SLC25A20: variants seen among roughly 807,000 people sequenced by gnomAD.
SLC25A20 encodes the protein mitochondrial carnitine/acylcarnitine carrier protein.
Under a neutral mutation model 39.7 loss-of-function variants are expected in SLC25A20, and 29 were observed. The observed-to-expected ratio is 0.73, with a 90% confidence interval of 0.54 to 1.00. SLC25A20 has a LOEUF of 1.00. Ranked by LOEUF, SLC25A20 falls within the 50% of genes least tolerant of loss-of-function variation. The pLI, the probability that SLC25A20 is intolerant of heterozygous loss-of-function variation, is 0.00. For missense variants in SLC25A20, 333 were observed against 379.9 expected, an observed-to-expected ratio of 0.88 and a Z score of 1.03; for synonymous variants, 103 against 142.2, an observed-to-expected ratio of 0.72 and a Z score of 1.96.
chr3:48,889,396 T>C (rs1482675620), intron 2 of SLC25A20, among the ~76,000 whole-genome samples: 2 of 151,472 alleles, frequency 1.3e-5, no homozygotes, highest in African/African-American at 2.4e-5. Flanking sequence ...TCTCAAAATA[T>C]ATATATATAA....
At chr3:48,881,490 T>A (rs1391278177) in intron 3 of SLC25A20, among the ~76,000 whole-genome samples, 2 of 152,000 alleles carry the variant, frequency 1.3e-5, no homozygotes, top group Admixed American at 1.3e-4. Context: ...CCCATCTCCA[T>A]CCCAGGGAGG....
intron 4 of SLC25A20, among the ~76,000 whole-genome samples, chr3:48,870,803 C>T (rs566255798): frequency 6.9e-6 from 1 of 145,836 alleles, no homozygotes; most frequent in East Asian, 2.1e-4. Context: ...CCAAGCTTGG[C>T]CAGGAATCAG....
intron 4 of SLC25A20, among the ~76,000 whole-genome samples, chr3:48,872,878 T>C (rs1185328324): frequency 6.6e-6 from 1 of 151,314 alleles, no homozygotes; most frequent in Non-Finnish European, 1.5e-5. Context: ...CAAAAACAAA[T>C]TGACTCAAAT....
rs1339597331 is a variant in SLC25A20 at position 48,861,158 on chromosome 3, A to G, written c.535+1384T>C. On this transcript the variant is annotated intron_variant, in intron 5 of 8. Transcript: ENST00000319017. ...ATTTTAATAGAGACAGGGTATCACT[A>G]TTTTACCCAGGCTGGTCTCAAACTC... Among the ~76,000 whole-genome samples the G allele has an allele frequency of 2.6e-5, 4 of 151,722 alleles. No homozygotes were observed. In the East Asian group the frequency reaches 7.8e-4, roughly 30 times the overall value.
At chr3:48,858,774 C>T (rs1479821309) in intron 7 of SLC25A20, 143 bp from the exon 8 acceptor site, 1 of 925,080 alleles carries the variant, frequency 1.1e-6, no homozygotes, top group African/African-American at 1.6e-5. Flanking sequence ...CACCTTGGGA[C>T]AAATGCACAA....
chr3:48,874,269 G>A (rs2083738727), intron 4 of SLC25A20, among the ~76,000 whole-genome samples: 1 of 152,010 alleles, frequency 6.6e-6, no homozygotes, highest in Non-Finnish European at 1.5e-5. Flanking sequence ...TCCAACTTGG[G>A]CGACAGAGCA....
At chr3:48,871,343 TA>T (rs752213351) in intron 4 of SLC25A20, among the ~76,000 whole-genome samples, 2,150 of 137,368 alleles carry the variant, frequency 0.016, 16 homozygotes, top group Non-Finnish European at 0.023. Context: ...TGGAACAATT[TA>T]AAAAAAAAAA....
At chr3:48,868,849 A>G (rs2083690573) in intron 4 of SLC25A20, among the ~76,000 whole-genome samples, 1 of 152,188 alleles carries the variant, frequency 6.6e-6, no homozygotes, top group Non-Finnish European at 1.5e-5. Flanking sequence ...AGAGAAAGCC[A>G]AGTAAGAAAT....
At chr3:48,894,435 A>ATTTT (rs781601028) in intron 1 of SLC25A20, among the ~76,000 whole-genome samples, 1 of 118,468 alleles carries the variant, frequency 8.4e-6, no homozygotes. Flanking sequence ...TAACTTTTGC[A>ATTTT]TTTTTTTTTT....
In SLC25A20 at chr3:48,879,364, T is replaced by A; in HGVS notation, c.411A>T (p.Leu137Phe). 1.1e-5 allele frequency: 17 copies of A among 1,608,980 alleles called. No individual in the cohort carries two copies. The highest frequency in any genetic ancestry group is 1.4e-5 in the Non-Finnish European group (17 of 1,175,332). ...IMTPGERIKC[L>F]LQIQASSGES... ...CCTCCAATCACAACCTTACCTGTAA[T>A]AAGCACTTGATCCGTTCTCCAGGAG... The change falls in exon 4 of 9, where the codon TTA (leucine) becomes TTT (phenylalanine). Residue 137 changes from leucine (L) to phenylalanine (F), a missense_variant. Leu to Phe is a conservative substitution (Grantham distance 22). Transcript: ENST00000319017.
At position 48,879,352 on chromosome 3, in the gene SLC25A20, C is replaced by A. The variant is rs750970405; in HGVS notation, c.417+6G>T. On this transcript the variant is annotated splice_donor_region_variant and intron_variant, in intron 4 of 8. Coordinates refer to ENST00000319017, the MANE Select transcript of SLC25A20 (RefSeq NM_000387.6). ...AAAGCTATTTCCCCTCCAATCACAA[C>A]CTTACCTGTAATAAGCACTTGATCC... 3 of 1,597,526 alleles carry A rather than the reference C, an allele frequency of 1.9e-6. No individual in the cohort carries two copies. The highest frequency in any genetic ancestry group is 2.6e-6 in the Non-Finnish European group (3 of 1,164,854).
intron 4 of SLC25A20, among the ~76,000 whole-genome samples, chr3:48,874,876 C>A (rs1407785677): frequency 1.3e-5 from 2 of 150,952 alleles, no homozygotes; most frequent in African/African-American, 4.9e-5. Context: ...GTGAGACCCC[C>A]CCACCACCAC....
chr3:48,895,813 C>T (rs1366502971), intron 1 of SLC25A20: 1 of 456,506 alleles, frequency 2.2e-6, no homozygotes, highest in East Asian at 7.0e-5. Context: ...GGCATAACCT[C>T]CCCTAGTTAG....
At chr3:48,878,182 AC>A (rs761527265) in intron 4 of SLC25A20, among the ~76,000 whole-genome samples, 96 of 144,138 alleles carry the variant, frequency 6.7e-4, no homozygotes, top group Non-Finnish European at 1.1e-3. Context: ...AATCGCTTGA[AC>A]CCGGGAGGCA....
intron 4 of SLC25A20, among the ~76,000 whole-genome samples, chr3:48,870,326 A>G (rs1254240282): frequency 3.9e-5 from 6 of 152,150 alleles, no homozygotes; most frequent in Non-Finnish European, 8.8e-5. Flanking sequence ...GCTTGAACCC[A>G]GGAGGCGGAG....
At chr3:48,889,086 G>A (rs1328924393) in intron 2 of SLC25A20, among the ~76,000 whole-genome samples, 1 of 149,572 alleles carries the variant, frequency 6.7e-6, no homozygotes, top group East Asian at 1.9e-4. Context: ...GCAAAACTCC[G>A]TCTCAAAAAA....
At chr3:48,878,271 A>T (rs914290975) in intron 4 of SLC25A20, among the ~76,000 whole-genome samples, 4 of 77,830 alleles carry the variant, frequency 5.1e-5, no homozygotes, top group South Asian at 8.2e-4. Context: ...ACAAAAAAAA[A>T]AAATATATAT....
intron 1 of SLC25A20, among the ~76,000 whole-genome samples, chr3:48,893,701 T>A (rs1036196237): frequency 2.1e-4 from 32 of 151,890 alleles, no homozygotes; most frequent in Non-Finnish European, 4.6e-4. Context: ...CGGCTAATTT[T>A]GGTTTTTTTG....
intron 3 of SLC25A20, among the ~76,000 whole-genome samples, chr3:48,883,562 GA>G (rs71077749): frequency 2.8e-5 from 3 of 105,470 alleles, no homozygotes; most frequent in South Asian, 3.6e-4. Context: ...AAAAAAGAAA[GA>G]AAAAAAAAAC....
Sources: gnomAD v4.1 joint callset for allele counts (sites outside exome capture counted in the v4.1 genomes callset) on GRCh38, gnomAD v4.1.1 for gene constraint, MANE v1.5 for transcripts, NCBI Gene and HGNC (gene_info 2026-07-23, HGNC 2026-07-21) for gene names.